AGPAT3: variants seen among roughly 807,000 people sequenced by gnomAD.
AGPAT3 encodes 1-acyl-sn-glycerol-3-phosphate acyltransferase gamma.
AGPAT3 carries 5 observed loss-of-function variants against 47.3 expected under a neutral mutation model. The observed-to-expected ratio is 0.11, with a 90% CI of 0.06 to 0.22. The LOEUF is 0.22. Ranked by LOEUF, AGPAT3 falls within the 10% of genes least tolerant of loss-of-function variation. The probability of loss-of-function intolerance (pLI) is 1.00; values close to 1 mark genes in which losing one functional copy is unlikely to be tolerated. For synonymous variants in AGPAT3, 212 were observed against 208.3 expected (o/e 1.02, Z -0.15); for missense variants, 315 against 493.0 (o/e 0.64, Z 3.42).
In AGPAT3 at chr21:43,951,540, A is replaced by G. The variant is rs143870193; in HGVS notation, c.-48-8094A>G. Among the ~76,000 whole-genome samples the G allele has an allele frequency of 4.8e-4, 73 of 152,326 alleles. 1 individual carries two copies. The East Asian group carries it at 0.013, about 27-fold the overall frequency. ...TGGTGACATCTTCTTCCTGGACCCC[A>G]GGACCCAAGGACAGCAGGTCCCATC... is the stretch of plus-strand genomic sequence containing the variant. On this transcript the variant is annotated intron_variant, in intron 2 of 9. Coordinates refer to ENST00000291572, the MANE Select transcript of AGPAT3 (RefSeq NM_020132.5).
At chr21:43,873,490 G>A (rs2085667813) in intron 1 of AGPAT3, among the ~76,000 whole-genome samples, 1 of 152,152 alleles carries the variant, frequency 6.6e-6, no homozygotes, top group East Asian at 1.9e-4. Flanking sequence ...CGATTCTCCT[G>A]CCTCAGCCTC....
rs577646235 is a variant in AGPAT3, at chr21:43,980,960, G to C, written c.844-29G>C. 3 of 1,574,140 alleles carry C rather than the reference G, an allele frequency of 1.9e-6. No individual in the cohort carries two copies. In the South Asian group the frequency reaches 3.3e-5, roughly 17 times the overall value. On this transcript the variant is annotated intron_variant, in intron 8 of 9. Coordinates refer to ENST00000291572, the MANE Select transcript of AGPAT3 (RefSeq NM_020132.5). The stretch of plus-strand genomic sequence containing the variant: ...ATAATAGCTTGTAAAGAAGCCTCAC[G>C]CTTCCTTTTTCTCTGTTGACTCTTC...
At chr21:43,967,845 C>G (rs896039402) in intron 3 of AGPAT3, 101 bp from the exon 4 acceptor site, 74 of 1,225,450 alleles carry the variant, frequency 6.0e-5, no homozygotes, top group Non-Finnish European at 7.8e-5. Context: ...GCAGAGACTT[C>G]CTCTCTGGAC....
At chr21:43,957,686 AG>A (rs1375479868) in intron 2 of AGPAT3, among the ~76,000 whole-genome samples, 4 of 135,196 alleles carry the variant, frequency 3.0e-5, no homozygotes, top group Admixed American at 7.4e-5. Context: ...CCCCCTCCAC[AG>A]GGGGGTCTCG....
intron 2 of AGPAT3, among the ~76,000 whole-genome samples, chr21:43,942,822 G>T (rs763580799): frequency 1.3e-5 from 2 of 152,174 alleles, no homozygotes; most frequent in Non-Finnish European, 2.9e-5. Context: ...AGGGTGGCAC[G>T]GCGGTGCCAT....
chr21:43,876,650 G>T (rs141010671), intron 1 of AGPAT3, among the ~76,000 whole-genome samples: 1 of 152,154 alleles, frequency 6.6e-6, no homozygotes, highest in Admixed American at 6.6e-5. Context: ...GAGTGAAACC[G>T]TAATGAACAG....
chr21:43,884,140 A>C (rs1488234960), intron 1 of AGPAT3, among the ~76,000 whole-genome samples: 1 of 152,124 alleles, frequency 6.6e-6, no homozygotes, highest in East Asian at 1.9e-4. Flanking sequence ...CTCAGCTCGC[A>C]GGCCTTCCTG....
rs1191862050 is a variant in AGPAT3, at chr21:43,970,434, G to A, written c.511-219G>A. On this transcript the variant is annotated intron_variant, in intron 5 of 9. Transcript: ENST00000291572. This position sits in a 1 kb window ranked among gnomAD's most constrained non-coding sequence, Gnocchi z 5.8. ...CTTTCTGGAAAGTTCTTTCTGGAGA[G>A]CTCTCCTGTGTGAATGAACGTGTGT... Among the ~76,000 whole-genome samples the A allele has an allele frequency of 6.6e-6, 1 of 152,186 alleles. No homozygotes were observed. The highest frequency in any genetic ancestry group is 1.5e-5 in the Non-Finnish European group (1 of 68,032).
intron 1 of AGPAT3, among the ~76,000 whole-genome samples, chr21:43,898,478 C>T (rs569823001): frequency 6.6e-6 from 1 of 152,332 alleles, no homozygotes; most frequent in Admixed American, 6.5e-5. Flanking sequence ...GACCTGCAAG[C>T]ATCCTTACCT....
chr21:43,974,218 TTATCTATGTGTGTATAAATTA>T (rs201584950), intron 7 of AGPAT3, among the ~76,000 whole-genome samples: 2 of 151,866 alleles, frequency 1.3e-5, no homozygotes, highest in Non-Finnish European at 2.9e-5. Flanking sequence ...TGCATATAAA[TTATCTATGTGTGTATAAATTA>T]TATGTGTGTA....
rs140923502 is a variant in AGPAT3 at position 43,978,232 on chromosome 21, C to T, written c.843+111C>T. 5.9e-5 allele frequency: 42 copies of T among 707,938 alleles called. No homozygotes were observed. In the African/African-American group the frequency reaches 6.4e-4, roughly 11 times the overall value. The allele number at this position is 707,938 out of a possible 1,614,324, so 43.9% of individuals were successfully genotyped here. ...GGAACTCCGTGGGAGACAGGAGTGC[C>T]ACCCAGGTCCTAAATACTCCTGATC... On this transcript the variant is annotated intron_variant, in intron 8 of 9. Transcript: ENST00000291572.
intron 2 of AGPAT3, chr21:43,948,227 C>T (rs887215150): frequency 1.3e-5 from 2 of 152,218 alleles, no homozygotes; most frequent in East Asian, 1.9e-4. Flanking sequence ...CTTCTACCAA[C>T]GGTGTTGGTC....
At chr21:43,938,481 A>G (rs1483276065) in intron 2 of AGPAT3, among the ~76,000 whole-genome samples, 2 of 151,884 alleles carry the variant, frequency 1.3e-5, no homozygotes, top group Non-Finnish European at 2.9e-5. Flanking sequence ...TTTAATAGAG[A>G]CAGGGTTTCA....
rs938144923 is a variant in AGPAT3, at chr21:43,932,398, C to G, written c.-48-27236C>G. On this transcript the variant is annotated intron_variant, in intron 2 of 9. Transcript: ENST00000291572. The surrounding 1 kb of genome is among the most constrained non-coding windows in gnomAD (Gnocchi z 5.2). ...GACTGGCTGATTATCCACTTAGTGT[C>G]GGGTCTACCACGTTTGTCTGTGATG... is the stretch of plus-strand genomic sequence containing the variant. Among the ~76,000 whole-genome samples, 1 of 152,156 alleles carries G rather than the reference C, an allele frequency of 6.6e-6. No homozygotes were observed. Among genetic ancestry groups the G allele is most frequent in the Non-Finnish European group, 1.5e-5 (1 of 68,028 alleles).
intron 2 of AGPAT3, among the ~76,000 whole-genome samples, chr21:43,953,360 T>C (rs1446941828): frequency 6.6e-6 from 1 of 152,208 alleles, no homozygotes; most frequent in Non-Finnish European, 1.5e-5. Context: ...GGTGTGCTCA[T>C]GGTGTCCTAG....
chr21:43,902,080 C>T (rs780650831), intron 1 of AGPAT3, among the ~76,000 whole-genome samples: 17 of 152,186 alleles, frequency 1.1e-4, no homozygotes, highest in Non-Finnish European at 1.6e-4. Context: ...AATCTCAAAC[C>T]GAAGAAACAT....
At position 43,955,858 on chromosome 21, in the gene AGPAT3, C is replaced by T. The variant is rs909368054; in HGVS notation, c.-48-3776C>T. Among the ~76,000 whole-genome samples, 8 of 151,010 alleles carry T rather than the reference C, an allele frequency of 5.3e-5. No homozygotes were observed. Reference sequence around the variant, plus strand: ...GAAGCTGCAGTGAGCCAAGATGGCACCACAGCACTCTAACCTGGGCAACAG... The same window carrying T: ...GAAGCTGCAGTGAGCCAAGATGGCATCACAGCACTCTAACCTGGGCAACAG... On this transcript the variant is annotated intron_variant, in intron 2 of 9. Coordinates refer to ENST00000291572, the MANE Select transcript of AGPAT3 (RefSeq NM_020132.5). This position sits in a 1 kb window ranked among gnomAD's most constrained non-coding sequence, Gnocchi z 4.1.
intron 1 of AGPAT3, among the ~76,000 whole-genome samples, chr21:43,879,785 G>A (rs1350305276): frequency 2.0e-5 from 3 of 152,176 alleles, no homozygotes; most frequent in African/African-American, 7.2e-5. Context: ...GGCACTTAGG[G>A]AAGAGTGACT....
chr21:43,879,122 G>C (rs1405971451), intron 1 of AGPAT3, among the ~76,000 whole-genome samples: 2 of 152,084 alleles, frequency 1.3e-5, no homozygotes. Flanking sequence ...GGCTGAGGCA[G>C]GCTGATCACT....
Sources: gnomAD v4.1 joint callset for allele counts (sites outside exome capture counted in the v4.1 genomes callset) on GRCh38, gnomAD v4.1.1 for gene constraint, Gnocchi (gnomAD v3.1) non-coding constraint, MANE v1.5 for transcripts, NCBI Gene and HGNC (gene_info 2026-07-23, HGNC 2026-07-21) for gene names.